Variants in LDLRAD3 observed in about 807,000 individuals in gnomAD.
The protein encoded by LDLRAD3 is low-density lipoprotein receptor class A domain-containing protein 3.
Under a neutral mutation model 29.4 loss-of-function variants are expected in LDLRAD3, and 20 were observed. The observed-to-expected ratio is 0.68, with a 90% CI of 0.48 to 0.99. The LOEUF (loss-of-function observed/expected upper bound fraction) is 0.99, where lower values mean the gene tolerates loss of function less well. LDLRAD3 is among the 50% of genes least tolerant of loss of function. The pLI is 0.00. For missense variants in LDLRAD3, 420 were observed against 454.3 expected (o/e 0.92, Z 0.69); for synonymous variants, 157 against 192.7 (o/e 0.81, Z 1.53).
At chr11:36,047,047 TGGGGCTGGAG>T (rs36118230) in intron 2 of LDLRAD3, among the ~76,000 whole-genome samples, 14,209 of 152,196 alleles carry the variant, frequency 0.093, 884 homozygotes, top group Admixed American at 0.15. Context: ...TTAGTAGCCC[TGGGGCTGGAG>T]GGGGCTGCTG....
chr11:36,033,723 A>C (rs1852269443), intron 1 of LDLRAD3, among the ~76,000 whole-genome samples: 1 of 152,210 alleles, frequency 6.6e-6, no homozygotes, highest in African/African-American at 2.4e-5. Context: ...TTGTCTGGCT[A>C]GTATCCAGTA....
chr11:36,214,459 T>C (rs1024955613), intron 4 of LDLRAD3, among the ~76,000 whole-genome samples: 1 of 152,174 alleles, frequency 6.6e-6, no homozygotes, highest in African/African-American at 2.4e-5. Context: ...CCCACCTCAT[T>C]TGTGAGAAGG....
intron 4 of LDLRAD3, among the ~76,000 whole-genome samples, chr11:36,221,172 AC>A (rs1855421063): frequency 6.6e-6 from 1 of 151,848 alleles, no homozygotes; most frequent in Non-Finnish European, 1.5e-5. Context: ...TCATAGTGAA[AC>A]CCCATCTCTA....
intron 4 of LDLRAD3, among the ~76,000 whole-genome samples, chr11:36,157,356 CTT>C (rs1310422936): frequency 6.6e-6 from 1 of 152,200 alleles, no homozygotes; most frequent in Admixed American, 6.5e-5. Flanking sequence ...GCCAGACAAA[CTT>C]GGTCTTGTCA....
intron 3 of LDLRAD3, among the ~76,000 whole-genome samples, chr11:36,088,158 C>G (rs529174437): frequency 1.3e-5 from 2 of 152,280 alleles, no homozygotes; most frequent in South Asian, 2.1e-4. Context: ...CCCAGCCCCC[C>G]AAAACCAGTA....
At chr11:36,173,848 AT>A in intron 4 of LDLRAD3, among the ~76,000 whole-genome samples, 1 of 151,736 alleles carries the variant, frequency 6.6e-6, no homozygotes, top group Non-Finnish European at 1.5e-5. Flanking sequence ...TCTTCACAGA[AT>A]TGGAAAAAAA....
At chr11:35,979,388 T>C (rs1028797074) in intron 1 of LDLRAD3, among the ~76,000 whole-genome samples, 2 of 152,220 alleles carry the variant, frequency 1.3e-5, no homozygotes, top group Non-Finnish European at 2.9e-5. Flanking sequence ...TCATCCAACC[T>C]ATGACCTCTC....
intron 4 of LDLRAD3, among the ~76,000 whole-genome samples, chr11:36,186,265 GTACT>G (rs1854846850): frequency 6.6e-6 from 1 of 152,172 alleles, no homozygotes; most frequent in Non-Finnish European, 1.5e-5. Context: ...ATCATGTAAG[GTACT>G]TAGAGTATAA....
At chr11:36,145,396 C>T (rs1449210306) in intron 4 of LDLRAD3, among the ~76,000 whole-genome samples, 2 of 103,272 alleles carry the variant, frequency 1.9e-5, no homozygotes, top group African/African-American at 4.5e-5. Flanking sequence ...GGGTCAGCCC[C>T]CCGCCCAGCC....
intron 4 of LDLRAD3, among the ~76,000 whole-genome samples, chr11:36,123,227 T>C (rs1487086523): frequency 6.6e-6 from 1 of 152,232 alleles, no homozygotes; most frequent in African/African-American, 2.4e-5. Context: ...GTGTGGTACA[T>C]AATAAGTATT....
chr11:36,135,571 A>C (rs4756285), intron 4 of LDLRAD3, among the ~76,000 whole-genome samples: 8,301 of 152,306 alleles, frequency 0.055, 378 homozygotes, highest in East Asian at 0.23. Context: ...GAAGTCAAAC[A>C]GATTTCTTTG....
intron 3 of LDLRAD3, among the ~76,000 whole-genome samples, chr11:36,088,365 G>A (rs1040116329): frequency 2.0e-5 from 3 of 152,032 alleles, no homozygotes; most frequent in African/African-American, 2.4e-5. Context: ...GAACTGAAAC[G>A]GCAGGGTTTC....
At chr11:36,144,641 CCCTCCGCCCGG>C (rs1854144541) in intron 4 of LDLRAD3, among the ~76,000 whole-genome samples, 1 of 72,836 alleles carries the variant, frequency 1.4e-5, no homozygotes, top group African/African-American at 6.9e-5. Flanking sequence ...AGTGAGAAGC[CCCTCCGCCCGG>C]CAGCCACACC....
In LDLRAD3 at chr11:36,231,929, A is replaced by G. The variant is rs1031022732; in HGVS notation, c.*2532A>G. 10 of 152,134 alleles carry G rather than the reference A, an allele frequency of 6.6e-5. No individual in the cohort carries two copies. Among genetic ancestry groups the G allele is most frequent in the Non-Finnish European group, 1.5e-4 (10 of 68,022 alleles). The allele number at this position is 152,134 out of a possible 1,614,324, so 9.4% of individuals were successfully genotyped here. A position where few individuals can be genotyped will look rare whatever the true frequency, so the allele number is the denominator to read the frequency against. On this transcript the variant is annotated 3_prime_UTR_variant, in exon 6 of 6. Coordinates refer to ENST00000315571, the MANE Select transcript of LDLRAD3 (RefSeq NM_174902.4). ...TTTATTTTAGCATTAAATTAGTTAC[A>G]CTGTGATGACTGGCCTATTACCTGA...
chr11:36,033,066 GTTTC>G (rs1852255983), intron 1 of LDLRAD3, among the ~76,000 whole-genome samples: 1 of 152,016 alleles, frequency 6.6e-6, no homozygotes, highest in Non-Finnish European at 1.5e-5. Flanking sequence ...TAGAGAAGGG[GTTTC>G]ACCATGTTGG....
chr11:36,227,223 G>A lies in LDLRAD3; in HGVS notation c.593G>A (p.Arg198Gln), dbSNP rs368787104. The A allele has an allele frequency of 1.2e-5, 20 of 1,614,090 alleles. No homozygotes were observed. The highest frequency in any genetic ancestry group is 6.7e-5 in the African/African-American group (5 of 74,922). Residue 198 changes from arginine (R) to glutamine (Q), a missense_variant, in exon 5 of 6, where the codon CGG (arginine) becomes CAG (glutamine). Coordinates refer to ENST00000315571, the MANE Select transcript of LDLRAD3 (RefSeq NM_174902.4). ...CTGGCACTGGTCTTGCACCACCAGC[G>A]GAAGCGGAACAACCTCATGACGCTG... Reference protein sequence around the residue: ...ALLALVLHHQRKRNNLMTLPV... With the variant: ...ALLALVLHHQQKRNNLMTLPV...
intron 2 of LDLRAD3, among the ~76,000 whole-genome samples, chr11:36,051,121 G>A (rs1001585729): frequency 6.6e-6 from 1 of 152,202 alleles, no homozygotes; most frequent in Non-Finnish European, 1.5e-5. Context: ...CAGGGTGGAA[G>A]GACTTTCATG....
chr11:36,207,605 G>A (rs1199335324), intron 4 of LDLRAD3, among the ~76,000 whole-genome samples: 1 of 152,058 alleles, frequency 6.6e-6, no homozygotes, highest in Non-Finnish European at 1.5e-5. Flanking sequence ...AGCCATGATT[G>A]TGCCACTGCA....
intron 1 of LDLRAD3, among the ~76,000 whole-genome samples, chr11:36,031,507 G>T (rs554322810): frequency 3.9e-5 from 6 of 152,298 alleles, no homozygotes; most frequent in African/African-American, 1.4e-4. Flanking sequence ...ATTAGTGCCT[G>T]AACACTTGGC....
Sources: gnomAD v4.1 joint callset for allele counts (sites outside exome capture counted in the v4.1 genomes callset) on GRCh38, gnomAD v4.1.1 for gene constraint, MANE v1.5 for transcripts, NCBI Gene and HGNC (gene_info 2026-07-23, HGNC 2026-07-21) for gene names.